MTRF1: variants seen among roughly 807,000 people sequenced by gnomAD.
MTRF1 encodes mitochondrial translation release factor 1, also known as peptide chain release factor 1, mitochondrial.
In MTRF1, 51 loss-of-function variants were observed where a neutral mutation model predicts 62.9. The observed-to-expected ratio is 0.81, with a 90% CI of 0.65 to 1.02. MTRF1 has a LOEUF of 1.02. Among genes scored for constraint, MTRF1 ranks in the 50% least tolerant of loss-of-function variants. MTRF1 has a pLI of 0.00. For synonymous variants in MTRF1, 158 were observed against 181.9 expected (o/e 0.87, Z 1.06); for missense variants, 446 against 530.0 (o/e 0.84, Z 1.56).
chr13:41,250,725 C>T (rs530168790), intron 5 of MTRF1, among the ~76,000 whole-genome samples: 138 of 152,182 alleles, frequency 9.1e-4, no homozygotes, highest in Non-Finnish European at 1.8e-3. Flanking sequence ...AACTGTCTCC[C>T]GAAGTGCTGG....
intron 7 of MTRF1, among the ~76,000 whole-genome samples, chr13:41,226,937 A>G (rs1190962546): frequency 6.6e-6 from 1 of 152,164 alleles, no homozygotes; most frequent in Non-Finnish European, 1.5e-5. Flanking sequence ...GTCCAACTCA[A>G]GAAGAACTTG....
chr13:41,280,527 C>T, the MTRF1 span, among the ~76,000 whole-genome samples: 1 of 152,152 alleles, frequency 6.6e-6, no homozygotes, highest in Non-Finnish European at 1.5e-5. Flanking sequence ...TAATATTTGG[C>T]TCAGAATAAA....
intron 5 of MTRF1, among the ~76,000 whole-genome samples, chr13:41,244,365 C>T (rs2037952219): frequency 6.6e-6 from 1 of 152,184 alleles, no homozygotes; most frequent in Non-Finnish European, 1.5e-5. Flanking sequence ...TAAGTCCAAA[C>T]ATTTTATTAG....
intron 8 of MTRF1, among the ~76,000 whole-genome samples, chr13:41,223,906 T>A (rs1015567914): frequency 6.6e-6 from 1 of 152,230 alleles, no homozygotes; most frequent in African/African-American, 2.4e-5. Flanking sequence ...AAAAATCTCC[T>A]GATTAATCTC....
At chr13:41,256,941 G>C (rs1372417303) in intron 2 of MTRF1, among the ~76,000 whole-genome samples, 2 of 152,154 alleles carry the variant, frequency 1.3e-5, no homozygotes, top group African/African-American at 4.8e-5. Context: ...TAGGGGCTGA[G>C]GTTAAGACAG....
chr13:41,273,796 C>T, the MTRF1 span, among the ~76,000 whole-genome samples: 1 of 152,118 alleles, frequency 6.6e-6, no homozygotes, highest in Non-Finnish European at 1.5e-5. Context: ...AAGATCGCAC[C>T]ATTGCACTCC....
the MTRF1 span, among the ~76,000 whole-genome samples, chr13:41,279,569 G>A: frequency 1.3e-5 from 2 of 152,094 alleles, no homozygotes; most frequent in African/African-American, 4.8e-5. Context: ...AAGGGGTGTA[G>A]GGAGTCATGC....
At chr13:41,253,352 T>A (rs926215327) in intron 3 of MTRF1, among the ~76,000 whole-genome samples, 4 of 152,340 alleles carry the variant, frequency 2.6e-5, no homozygotes, top group South Asian at 2.1e-4. Flanking sequence ...TTATAATTAG[T>A]TCTGAACAGT....
rs202192139 is a variant in MTRF1 at position 41,254,555 on chromosome 13, G to T, written c.481C>A (p.Gln161Lys). 1.4e-5 allele frequency: 23 copies of T among 1,613,370 alleles called. No individual in the cohort carries two copies. The highest frequency in any genetic ancestry group is 2.2e-5 in the South Asian group (2 of 90,944). ...TCATTGTACAACATGTTGATTTTTT[G>T]ATCAATGGTTTGCCTTTCTTCCAGT... ...LALEERQTID[Q>K]KINMLYNELF... The change falls in exon 3 of 10, where the codon CAA becomes AAA. Residue 161 changes from glutamine to lysine, a missense_variant. Transcript: ENST00000379480.
At chr13:41,266,079 C>T (rs537254980), upstream of MTRF1, among the ~76,000 whole-genome samples, 1 of 152,166 alleles carries the variant, frequency 6.6e-6, no homozygotes, top group South Asian at 2.1e-4. Context: ...AATCTCTTGA[C>T]CTTGTGATCT....
At chr13:41,249,774 G>A (rs1309382876) in intron 5 of MTRF1, among the ~76,000 whole-genome samples, 3 of 151,102 alleles carry the variant, frequency 2.0e-5, no homozygotes, top group South Asian at 2.1e-4. Flanking sequence ...TTACAAGTAC[G>A]CACTGCCACG....
At chr13:41,294,462 GTTCT>G in the MTRF1 span, among the ~76,000 whole-genome samples, 1 of 150,888 alleles carries the variant, frequency 6.6e-6, no homozygotes. Flanking sequence ...ATAAAGTTGT[GTTCT>G]TTATTATGAA....
In MTRF1 at chr13:41,228,308, G is replaced by A. The variant is rs150821768; in HGVS notation, c.989-1740C>T. Among the ~76,000 whole-genome samples, 20 of 152,238 alleles carry A rather than the reference G, an allele frequency of 1.3e-4. No homozygotes were observed. In the East Asian group the frequency reaches 3.5e-3, roughly 26 times the overall value. The stretch of plus-strand genomic sequence containing the variant: ...GGGGCTGGGCACGATGGCTCACACC[G>A]GCAACCCCAGCACTTTGGGAGGCAA... On this transcript the variant is annotated intron_variant, in intron 7 of 9. Coordinates refer to ENST00000379480, the MANE Select transcript of MTRF1 (RefSeq NM_004294.4).
At chr13:41,309,341 A>AGTGTGTGTGTGTGTGTGT in the MTRF1 span, among the ~76,000 whole-genome samples, 809 of 135,640 alleles carry the variant, frequency 6.0e-3, 5 homozygotes, top group Non-Finnish European at 8.4e-3. Flanking sequence ...ATGCCCAGCT[A>AGTGTGTGTGTGTGTGTGT]GTGTGTGTGT....
chr13:41,237,218 CAA>C (rs11412273), intron 6 of MTRF1, among the ~76,000 whole-genome samples: 5,058 of 63,512 alleles, frequency 0.08, 49 homozygotes, highest in Non-Finnish European at 0.11. Flanking sequence ...GAATCTGTCT[CAA>C]AAAAAAAAAA....
the MTRF1 span, among the ~76,000 whole-genome samples, chr13:41,309,341 AGTGTGTGTGTGTGTGTGTGT>A: frequency 2.2e-5 from 3 of 135,568 alleles, no homozygotes; most frequent in Non-Finnish European, 4.7e-5. Context: ...ATGCCCAGCT[AGTGTGTGTGTGTGTGTGTGT>A]GTGTGTGTGT....
intron 5 of MTRF1, among the ~76,000 whole-genome samples, chr13:41,246,698 T>G (rs1018150046): frequency 2.0e-5 from 3 of 152,180 alleles, no homozygotes; most frequent in African/African-American, 7.2e-5. Context: ...CTATGAAAGA[T>G]TATTCAGGAA....
intron 9 of MTRF1, among the ~76,000 whole-genome samples, chr13:41,221,799 A>G (rs1328720094): frequency 6.8e-6 from 1 of 146,398 alleles, no homozygotes; most frequent in African/African-American, 2.5e-5. Flanking sequence ...GGTCATAAGA[A>G]TGTGGCTGTC....
intron 2 of MTRF1, among the ~76,000 whole-genome samples, chr13:41,259,166 G>A (rs1445688840): frequency 6.6e-6 from 1 of 152,168 alleles, no homozygotes; most frequent in Non-Finnish European, 1.5e-5. Context: ...ACTGTGTGTA[G>A]AGCTGTAAAA....
Sources: gnomAD v4.1 joint callset for allele counts (sites outside exome capture counted in the v4.1 genomes callset) on GRCh38, gnomAD v4.1.1 for gene constraint, MANE v1.5 for transcripts, NCBI Gene and HGNC (gene_info 2026-07-23, HGNC 2026-07-21) for gene names.